The following CTNNA3 variants were observed in gnomAD, a reference collection of about 807,000 sequenced individuals.
The protein encoded by CTNNA3 is catenin alpha 3, also known as catenin alpha-3.
A neutral mutation model predicts 95.7 loss-of-function variants in CTNNA3; 76 were observed. The ratio of observed to expected loss-of-function variants is 0.79; its 90% confidence interval spans 0.66 to 0.96. The LOEUF is 0.96. CTNNA3 is among the 40% of genes least tolerant of loss of function. CTNNA3 has a pLI of 0.00. For missense variants in CTNNA3, 1,191 were observed against 1,089.8 expected (o/e 1.09, Z -1.31); for synonymous variants, 431 against 374.4 (o/e 1.15, Z -1.74).
At chr10:66,944,782 T>G (rs1320383211) in intron 7 of CTNNA3, among the ~76,000 whole-genome samples, 1 of 152,206 alleles carries the variant, frequency 6.6e-6, no homozygotes, top group East Asian at 1.9e-4. Flanking sequence ...GCAGAATGGA[T>G]GCTTTGTTAG....
intron 3 of CTNNA3, among the ~76,000 whole-genome samples, chr10:67,555,155 A>G (rs1178692467): frequency 6.6e-6 from 1 of 152,074 alleles, no homozygotes; most frequent in East Asian, 1.9e-4. Context: ...TTGGTTATGT[A>G]GTCTTGTAGT....
intron 7 of CTNNA3, among the ~76,000 whole-genome samples, chr10:67,053,508 T>C (rs7904053): frequency 0.56 from 84,765 of 151,952 alleles, 24,041 homozygotes; most frequent in East Asian, 0.78. Context: ...ATGCATATCA[T>C]TTGAAGAAGC....
chr10:65,984,268 T>C (rs901104306), intron 16 of CTNNA3, among the ~76,000 whole-genome samples: 2 of 151,324 alleles, frequency 1.3e-5, no homozygotes, highest in Non-Finnish European at 3.0e-5. Flanking sequence ...TATTCCATAA[T>C]CAATTTCAGA....
chr10:67,525,715 C>G (rs982171613), intron 4 of CTNNA3, among the ~76,000 whole-genome samples: 4 of 152,172 alleles, frequency 2.6e-5, no homozygotes, highest in Non-Finnish European at 5.9e-5. Flanking sequence ...CCCTCACTGC[C>G]AACGCCCTGG....
At chr10:67,545,053 T>A (rs1031367735) in intron 3 of CTNNA3, among the ~76,000 whole-genome samples, 15 of 144,722 alleles carry the variant, frequency 1.0e-4, no homozygotes, top group South Asian at 2.3e-4. Context: ...TTAAAAAAAA[T>A]TTTTTCATAA....
At chr10:67,008,255 C>G (rs1269101370) in intron 7 of CTNNA3, among the ~76,000 whole-genome samples, 1 of 152,070 alleles carries the variant, frequency 6.6e-6, no homozygotes, top group African/African-American at 2.4e-5. Context: ...TTTATCCTAA[C>G]TTCCATCAAT....
intron 11 of CTNNA3, among the ~76,000 whole-genome samples, chr10:66,515,565 C>T (rs1840819925): frequency 6.6e-6 from 1 of 152,062 alleles, no homozygotes; most frequent in Non-Finnish European, 1.5e-5. Context: ...AGTCCATTCT[C>T]ATGCTGCTCT....
At chr10:67,741,526 C>A (rs548817254) in intron 1 of CTNNA3, among the ~76,000 whole-genome samples, 1 of 150,988 alleles carries the variant, frequency 6.6e-6, no homozygotes, top group African/African-American at 2.4e-5. Flanking sequence ...TGGAAAGGAA[C>A]AACTGGTACC....
chr10:66,413,015 A>G (rs1284856912), intron 11 of CTNNA3, among the ~76,000 whole-genome samples: 1 of 152,228 alleles, frequency 6.6e-6, no homozygotes, highest in Non-Finnish European at 1.5e-5. Flanking sequence ...AGGAATTGCA[A>G]TATAAGTAAC....
intron 6 of CTNNA3, among the ~76,000 whole-genome samples, chr10:67,184,222 T>C (rs942974030): frequency 5.3e-5 from 8 of 152,178 alleles, no homozygotes; most frequent in Admixed American, 2.6e-4. Context: ...GTCTTGAGAA[T>C]CCCAAACACT....
intron 15 of CTNNA3, among the ~76,000 whole-genome samples, chr10:66,019,636 G>A (rs973345073): frequency 1.3e-5 from 2 of 151,768 alleles, no homozygotes; most frequent in Admixed American, 1.3e-4. Flanking sequence ...GTAAACATAG[G>A]ACTACAGAAA....
At chr10:67,167,197 G>A (rs1861809042) in intron 7 of CTNNA3, among the ~76,000 whole-genome samples, 1 of 152,112 alleles carries the variant, frequency 6.6e-6, no homozygotes, top group Non-Finnish European at 1.5e-5. Context: ...GACACATCAG[G>A]TCTCTGAGCA....
At chr10:67,112,682 T>C (rs12416506) in intron 7 of CTNNA3, among the ~76,000 whole-genome samples, 53,173 of 151,350 alleles carry the variant, frequency 0.35, 9,719 homozygotes, top group Middle Eastern at 0.53. Context: ...GTTCCAGTTC[T>C]AACACTGTAA....
intron 10 of CTNNA3, among the ~76,000 whole-genome samples, chr10:66,585,397 G>A (rs1190191466): frequency 1.3e-5 from 2 of 150,814 alleles, no homozygotes; most frequent in African/African-American, 4.9e-5. Flanking sequence ...ATTCTTTTTT[G>A]TTTACTTTTG....
chr10:67,678,561 T>C (rs959465142), intron 1 of CTNNA3, among the ~76,000 whole-genome samples: 3 of 152,080 alleles, frequency 2.0e-5, no homozygotes, highest in South Asian at 2.1e-4. Context: ...TTGGGGAAAA[T>C]TGAACATATC....
intron 7 of CTNNA3, among the ~76,000 whole-genome samples, chr10:66,972,224 A>C (rs968944668): frequency 5.9e-5 from 9 of 152,190 alleles, no homozygotes; most frequent in Admixed American, 5.2e-4. Flanking sequence ...CTCACAGGCT[A>C]AAGTTTTCTC....
intron 9 of CTNNA3, among the ~76,000 whole-genome samples, chr10:66,701,178 C>T (rs1173527809): frequency 1.3e-5 from 2 of 152,096 alleles, no homozygotes; most frequent in African/African-American, 4.8e-5. Context: ...TGTCTACATC[C>T]ATGTAGATCT....
intron 7 of CTNNA3, among the ~76,000 whole-genome samples, chr10:67,154,308 A>C (rs779544190): frequency 7.2e-5 from 11 of 152,102 alleles, no homozygotes; most frequent in Non-Finnish European, 1.6e-4. Flanking sequence ...TTTAAGTCAT[A>C]CCAAAGGTGA....
intron 7 of CTNNA3, among the ~76,000 whole-genome samples, chr10:67,029,646 A>G (rs1335845780): frequency 6.6e-6 from 1 of 152,222 alleles, no homozygotes; most frequent in Non-Finnish European, 1.5e-5. Flanking sequence ...CATTGCCTTT[A>G]AAAATAAATT....
Sources: gnomAD v4.1 joint callset for allele counts (sites outside exome capture counted in the v4.1 genomes callset) on GRCh38, gnomAD v4.1.1 for gene constraint, MANE v1.5 for transcripts, NCBI Gene and HGNC (gene_info 2026-07-23, HGNC 2026-07-21) for gene names.